The following CHODL variants were observed in gnomAD, a reference collection of about 807,000 sequenced individuals.
CHODL encodes the protein chondrolectin.
Under a neutral mutation model 34.5 loss-of-function variants are expected in CHODL, and 29 were observed. The ratio of observed to expected loss-of-function variants is 0.84; its 90% CI spans 0.63 to 1.15. CHODL has a LOEUF of 1.15. Ranked by LOEUF, CHODL falls within the 50% of genes most tolerant of loss-of-function variation. The pLI is 0.00. For synonymous variants in CHODL, 125 were observed against 116.1 expected, an observed-to-expected ratio of 1.08 and a Z score of -0.49; for missense variants, 332 against 332.5, an observed-to-expected ratio of 1.00 and a Z score of 0.01.
chr21:18,093,046 A>C (rs2065092852), intron 2 of CHODL, among the ~76,000 whole-genome samples: 1 of 152,218 alleles, frequency 6.6e-6, no homozygotes, highest in Admixed American at 6.5e-5. Flanking sequence ...ATTTAATCAA[A>C]CCCCAAAGGT....
rs149022477 is a variant in CHODL at position 18,006,091 on chromosome 21, C to A, written c.-144-21781C>A. Among the ~76,000 whole-genome samples the A allele has an allele frequency of 1.6e-3, 247 of 152,236 alleles. 1 individual carries two copies. The highest frequency in any genetic ancestry group is 2.9e-3 in the Non-Finnish European group (200 of 68,022). On this transcript the variant is annotated intron_variant, in intron 1 of 6. Transcript: ENST00000400127. ...CTTGGCCGTCATTCTCTCTGCCTGC[C>A]GCCATCCACGCAAGATGTGACTTGC... is the stretch of plus-strand genomic sequence containing the variant.
chr21:18,027,588 G>A (rs1206721546), intron 1 of CHODL, among the ~76,000 whole-genome samples: 1 of 152,128 alleles, frequency 6.6e-6, no homozygotes, highest in Non-Finnish European at 1.5e-5. Context: ...GGTAAAGTGC[G>A]ATGCCTTTTA....
chr21:18,213,754 T>C (rs1281957927), intron 2 of CHODL, among the ~76,000 whole-genome samples: 1 of 152,058 alleles, frequency 6.6e-6, no homozygotes, highest in African/African-American at 2.4e-5. Flanking sequence ...TAGGACTGTA[T>C]ACAAGTATAG....
intron 2 of CHODL, among the ~76,000 whole-genome samples, chr21:18,087,628 T>C (rs149295287): frequency 5.3e-5 from 8 of 151,870 alleles, no homozygotes; most frequent in African/African-American, 1.9e-4. Flanking sequence ...AGCCTGAGGG[T>C]AGAGGGCAGC....
chr21:18,097,038 A>C (rs1032905315), intron 2 of CHODL, among the ~76,000 whole-genome samples: 11 of 151,972 alleles, frequency 7.2e-5, no homozygotes, highest in Non-Finnish European at 1.2e-4. Context: ...TAGATTAAAA[A>C]CCCTAAAAAA....
intron 2 of CHODL, among the ~76,000 whole-genome samples, chr21:18,118,155 TAACA>T (rs2065435586): frequency 1.3e-5 from 2 of 152,218 alleles, no homozygotes; most frequent in African/African-American, 4.8e-5. Flanking sequence ...TTTTTAAAAT[TAACA>T]AACTGCATAA....
chr21:18,125,971 T>C (rs1046850257), intron 2 of CHODL, among the ~76,000 whole-genome samples: 3 of 152,202 alleles, frequency 2.0e-5, no homozygotes, highest in Non-Finnish European at 2.9e-5. Context: ...AAATCTTTCA[T>C]GAAATGAAGA....
chr21:18,117,725 A>G (rs1206021903), intron 2 of CHODL, among the ~76,000 whole-genome samples: 2 of 129,840 alleles, frequency 1.5e-5, no homozygotes, highest in East Asian at 3.4e-4. Context: ...ATAAATAAAT[A>G]AGAAGAAATA....
chr21:18,154,977 T>G (rs111991714), intron 2 of CHODL, among the ~76,000 whole-genome samples: 99 of 152,292 alleles, frequency 6.5e-4, no homozygotes, highest in African/African-American at 2.3e-3. Flanking sequence ...GTCATCACCA[T>G]GTAGGGCATA....
intron 2 of CHODL, among the ~76,000 whole-genome samples, chr21:18,033,200 A>G (rs1339482988): frequency 6.6e-6 from 1 of 152,016 alleles, no homozygotes; most frequent in Admixed American, 6.6e-5. Flanking sequence ...TTTGGACAAG[A>G]AAGTTCAAAA....
At chr21:17,975,459 G>A (rs888189860) in intron 1 of CHODL, among the ~76,000 whole-genome samples, 1 of 152,022 alleles carries the variant, frequency 6.6e-6, no homozygotes, top group Admixed American at 6.6e-5. Context: ...TAAAAAAGAA[G>A]AAATCTAACT....
chr21:18,023,876 T>C (rs1382752325), intron 1 of CHODL, among the ~76,000 whole-genome samples: 1 of 152,188 alleles, frequency 6.6e-6, no homozygotes, highest in East Asian at 1.9e-4. Flanking sequence ...TATAAACGCT[T>C]CTTGGAAAGG....
At chr21:18,091,503 CT>C (rs1406708526) in intron 2 of CHODL, among the ~76,000 whole-genome samples, 1 of 152,136 alleles carries the variant, frequency 6.6e-6, no homozygotes, top group African/African-American at 2.4e-5. Flanking sequence ...AGGACTTTGT[CT>C]TGTCTCTTTA....
intron 2 of CHODL, among the ~76,000 whole-genome samples, chr21:18,058,176 G>A (rs2560726): frequency 2.0e-5 from 3 of 151,910 alleles, no homozygotes; most frequent in Non-Finnish European, 1.5e-5. Flanking sequence ...GAGTTAGAAT[G>A]GCTATTAAAA....
At chr21:17,965,911 A>ATTTTTTT (rs34819022) in intron 1 of CHODL, among the ~76,000 whole-genome samples, 4 of 144,982 alleles carry the variant, frequency 2.8e-5, no homozygotes, top group Admixed American at 6.9e-5. Flanking sequence ...AGAGAAGGTA[A>ATTTTTTT]TTTTTTTTTT....
At chr21:18,066,471 C>T (rs1265054647) in intron 2 of CHODL, among the ~76,000 whole-genome samples, 4 of 152,150 alleles carry the variant, frequency 2.6e-5, no homozygotes, top group Admixed American at 6.5e-5. Flanking sequence ...GATCCCACTC[C>T]GTTTTCTGCA....
chr21:17,939,490 T>C (rs992553456), intron 1 of CHODL, among the ~76,000 whole-genome samples: 1 of 152,080 alleles, frequency 6.6e-6, no homozygotes, highest in African/African-American at 2.4e-5. Flanking sequence ...TCAGTGAACA[T>C]TAAAAACAAT....
In CHODL at chr21:17,918,405, GT is replaced by G. The variant is rs202209208; in HGVS notation, c.-145+1007del. On this transcript the variant is annotated intron_variant, in intron 1 of 6. Transcript: ENST00000400127. ...GACTTACAGTTTCACATGGCGGGGG[GT>G]TGAGGGGCTCACAATCATGGTGGAA... Among the ~76,000 whole-genome samples the G allele has an allele frequency of 8.0e-3, 1,219 of 152,234 alleles. 19 individuals carry two copies. The highest frequency in any genetic ancestry group is 0.027 in the African/African-American group (1,123 of 41,524).
chr21:17,935,868 C>T (rs2063314935), intron 1 of CHODL, among the ~76,000 whole-genome samples: 1 of 152,126 alleles, frequency 6.6e-6, no homozygotes, highest in Non-Finnish European at 1.5e-5. Flanking sequence ...GAGAGAAGAG[C>T]ACGAAGACAG....
Sources: allele counts gnomAD v4.1 joint callset (sites outside exome capture counted in the v4.1 genomes callset), GRCh38; gene constraint gnomAD v4.1.1; transcripts MANE v1.5; gene names NCBI Gene and HGNC (gene_info 2026-07-23, HGNC 2026-07-21).